Variants in SLC9A9 observed in about 807,000 individuals in gnomAD.
SLC9A9 encodes the protein solute carrier family 9 member A9.
In SLC9A9, 62 loss-of-function variants were observed where a neutral mutation model predicts 77.8. The ratio of observed to expected loss-of-function variants is 0.80; its 90% CI spans 0.65 to 0.98. The LOEUF (loss-of-function observed/expected upper bound fraction) is 0.98, where lower values mean the gene tolerates loss of function less well. Among genes scored for constraint, SLC9A9 ranks in the 50% least tolerant of loss-of-function variants. SLC9A9 has a pLI of 0.00. For missense variants in SLC9A9, 775 were observed against 774.9 expected (o/e 1.00, Z 0.00); for synonymous variants, 320 against 283.5 (o/e 1.13, Z -1.29).
At chr3:143,292,934 T>C (rs765468101) in intron 14 of SLC9A9, among the ~76,000 whole-genome samples, 1 of 152,074 alleles carries the variant, frequency 6.6e-6, no homozygotes, top group Non-Finnish European at 1.5e-5. Context: ...CTGGGGGAAA[T>C]AAGAAAGACA....
At chr3:143,689,562 A>G (rs1044891066) in intron 5 of SLC9A9, among the ~76,000 whole-genome samples, 1 of 151,822 alleles carries the variant, frequency 6.6e-6, no homozygotes, top group African/African-American at 2.4e-5. Context: ...GCACCACCAC[A>G]CTAGGCTATT....
chr3:143,812,772 T>A (rs2008902598), intron 2 of SLC9A9, among the ~76,000 whole-genome samples: 3 of 152,146 alleles, frequency 2.0e-5, no homozygotes, highest in Non-Finnish European at 4.4e-5. Context: ...AGAGACTAGA[T>A]TAAAGGAAGT....
intron 4 of SLC9A9, among the ~76,000 whole-genome samples, chr3:143,767,370 CTGTGTATGTGTGTGTGTG>C (rs2007355350): frequency 3.4e-5 from 4 of 117,588 alleles, no homozygotes; most frequent in Admixed American, 2.4e-4. Flanking sequence ...CAGTAAGTGT[CTGTGTATGTGTGTGTGTG>C]TGTGTGTGTG....
chr3:143,667,380 C>A (rs868530353), intron 5 of SLC9A9, among the ~76,000 whole-genome samples: 165 of 151,058 alleles, frequency 1.1e-3, no homozygotes, highest in African/African-American at 2.8e-3. Flanking sequence ...TAAAAACCCT[C>A]GAAGAAAACC....
Position 143,574,194 on chromosome 3 carries a change from G to GTGAGGAAGATAAGT in SLC9A9, c.895-15_895-2dup. On this transcript the variant is annotated splice_acceptor_variant, in intron 7 of 15. Transcript: ENST00000316549. LOFTEE classifies it high-confidence loss of function. ...CACACAGCTTGGTAAATTTGGTCAA[G>GTGAGGAAGATAAGT]TGAGGAAGATAAGTTAAGGGAAACA... The GTGAGGAAGATAAGT allele has an allele frequency of 1.2e-6, 2 of 1,611,960 alleles. No individual in the cohort carries two copies. Among genetic ancestry groups the GTGAGGAAGATAAGT allele is most frequent in the South Asian group, 2.2e-5 (2 of 90,978 alleles).
At chr3:143,521,119 A>G (rs1158673682) in intron 9 of SLC9A9, among the ~76,000 whole-genome samples, 1 of 152,174 alleles carries the variant, frequency 6.6e-6, no homozygotes, top group East Asian at 1.9e-4. Context: ...AAATTGACCA[A>G]TCTTTTATAA....
intron 7 of SLC9A9, among the ~76,000 whole-genome samples, chr3:143,575,962 C>T (rs1015207407): frequency 5.3e-5 from 8 of 151,908 alleles, no homozygotes; most frequent in South Asian, 2.1e-4. Context: ...CCACTGTTAC[C>T]GAGCCTGTTT....
intron 1 of SLC9A9, among the ~76,000 whole-genome samples, chr3:143,835,057 T>C (rs1282982002): frequency 6.6e-6 from 1 of 152,096 alleles, no homozygotes; most frequent in African/African-American, 2.4e-5. Flanking sequence ...CAGGGACCCA[T>C]CATTAATCTT....
At chr3:143,648,864 C>T (rs2038749686) in intron 6 of SLC9A9, among the ~76,000 whole-genome samples, 1 of 152,260 alleles carries the variant, frequency 6.6e-6, no homozygotes, top group East Asian at 1.9e-4. Context: ...GTCAAATCTC[C>T]CGAAGAGACA....
chr3:143,321,575 A>G (rs2031421163), intron 14 of SLC9A9, among the ~76,000 whole-genome samples: 1 of 152,096 alleles, frequency 6.6e-6, no homozygotes, highest in African/African-American at 2.4e-5. Flanking sequence ...TGTGGTCTGT[A>G]TTCTGTTTCT....
chr3:143,389,600 G>T (rs971273534), intron 12 of SLC9A9, among the ~76,000 whole-genome samples: 1 of 152,230 alleles, frequency 6.6e-6, no homozygotes, highest in African/African-American at 2.4e-5. Context: ...AGTAAGATCA[G>T]ATCTGAGCAC....
chr3:143,456,895 C>T (rs2035103567), intron 12 of SLC9A9, among the ~76,000 whole-genome samples: 1 of 152,106 alleles, frequency 6.6e-6, no homozygotes, highest in Non-Finnish European at 1.5e-5. Flanking sequence ...CAGGATGATT[C>T]AGTTTATATA....
At chr3:143,344,353 A>C (rs2032197007) in intron 14 of SLC9A9, 1 of 152,212 alleles carries the variant, frequency 6.6e-6, no homozygotes, top group African/African-American at 2.4e-5. Context: ...CTAGTGTATA[A>C]GCAGTCAAGA....
At chr3:143,267,024 G>A in intron 15 of SLC9A9, 95 bp from the exon 16 acceptor site, 1 of 1,149,244 alleles carries the variant, frequency 8.7e-7, no homozygotes, top group East Asian at 2.5e-5. Context: ...CAGAATGCAT[G>A]TTTTCCTTTC....
intron 4 of SLC9A9, among the ~76,000 whole-genome samples, chr3:143,705,039 C>CTATCTATATATCTATA (rs1327278120): frequency 6.4e-5 from 2 of 31,084 alleles, no homozygotes; most frequent in African/African-American, 2.2e-4. Flanking sequence ...ATCTATCTAT[C>CTATCTATATATCTATA]TATATAGATA....
chr3:143,811,031 T>C (rs375439639), intron 2 of SLC9A9, among the ~76,000 whole-genome samples: 3 of 152,244 alleles, frequency 2.0e-5, no homozygotes, highest in East Asian at 3.9e-4. Context: ...TTGTGGGGCA[T>C]TGACATGCAG....
intron 9 of SLC9A9, among the ~76,000 whole-genome samples, chr3:143,540,901 A>G (rs774926708): frequency 6.6e-6 from 1 of 152,222 alleles, no homozygotes; most frequent in Non-Finnish European, 1.5e-5. Flanking sequence ...AAACCTGGGT[A>G]GGATAGATGG....
At chr3:143,317,583 T>C (rs1364691922) in intron 14 of SLC9A9, among the ~76,000 whole-genome samples, 1 of 152,238 alleles carries the variant, frequency 6.6e-6, no homozygotes, top group African/African-American at 2.4e-5. Context: ...GTAGATCCTC[T>C]GGCTACAGGG....
At chr3:143,729,686 C>A (rs1021239437) in intron 4 of SLC9A9, among the ~76,000 whole-genome samples, 2 of 152,182 alleles carry the variant, frequency 1.3e-5, no homozygotes, top group Non-Finnish European at 2.9e-5. Flanking sequence ...CTGCTGTACA[C>A]TCACTCCTCT....
Sources: gnomAD v4.1 joint callset for allele counts (sites outside exome capture counted in the v4.1 genomes callset) on GRCh38, gnomAD v4.1.1 for gene constraint, MANE v1.5 for transcripts, NCBI Gene and HGNC (gene_info 2026-07-23, HGNC 2026-07-21) for gene names.